EPM2A: variants seen among roughly 807,000 people sequenced by gnomAD.
EPM2A encodes laforin.
A neutral mutation model predicts 26.5 loss-of-function variants in EPM2A; 21 were observed. The observed-to-expected ratio is 0.79, with a 90% CI of 0.56 to 1.14. The LOEUF is 1.14. Among genes scored for constraint, EPM2A ranks in the 50% most tolerant of loss-of-function variants. EPM2A has a pLI of 0.00. For missense variants in EPM2A, 458 were observed against 440.8 expected, an observed-to-expected ratio of 1.04 and a Z score of -0.35; for synonymous variants, 217 against 177.6, an observed-to-expected ratio of 1.22 and a Z score of -1.76.
intron 2 of EPM2A, among the ~76,000 whole-genome samples, chr6:145,515,497 C>A (rs958803043): frequency 4.6e-5 from 7 of 152,074 alleles, no homozygotes; most frequent in African/African-American, 7.2e-5. Flanking sequence ...GCTGAAAGAC[C>A]CTGTGTCTGG....
chr6:145,551,384 T>C (rs181857937), intron 2 of EPM2A, among the ~76,000 whole-genome samples: 17 of 152,120 alleles, frequency 1.1e-4, no homozygotes, highest in Admixed American at 1.1e-3. Flanking sequence ...TCTGATGTAA[T>C]AGTGGCTTAG....
At chr6:145,735,090 G>A in intron 1 of EPM2A, 108 bp downstream of exon 1, 4 of 718,508 alleles carry the variant, frequency 5.6e-6, no homozygotes, top group Non-Finnish European at 8.0e-6. Context: ...AAAAGCCCGG[G>A]ACGCGCGCCG....
At chr6:145,569,805 C>G (rs1486033354) in intron 2 of EPM2A, among the ~76,000 whole-genome samples, 1 of 151,806 alleles carries the variant, frequency 6.6e-6, no homozygotes, top group East Asian at 1.9e-4. Flanking sequence ...GGTACTTTGC[C>G]TAGTGTATTA....
intron 4 of EPM2A, among the ~76,000 whole-genome samples, chr6:145,408,004 T>A (rs1273855746): frequency 1.3e-5 from 2 of 152,180 alleles, no homozygotes. Context: ...CAATTTTTCA[T>A]AATTAAAAAC....
chr6:145,386,285 C>T (rs138706457), intron 4 of EPM2A, among the ~76,000 whole-genome samples: 5 of 152,100 alleles, frequency 3.3e-5, no homozygotes, highest in Non-Finnish European at 7.4e-5. Flanking sequence ...TACAGTGGTG[C>T]CTGCTATACT....
At chr6:145,396,046 A>T (rs1856267) in intron 4 of EPM2A, among the ~76,000 whole-genome samples, 57,029 of 152,024 alleles carry the variant, frequency 0.38, 10,951 homozygotes, top group South Asian at 0.45. Context: ...TAGAGCCAAA[A>T]AGGATTTCAC....
At chr6:145,426,592 A>G (rs905528022) in intron 4 of EPM2A, among the ~76,000 whole-genome samples, 2 of 152,208 alleles carry the variant, frequency 1.3e-5, no homozygotes, top group East Asian at 3.8e-4. Context: ...GAAGAGAAAT[A>G]TACATACCTG....
intron 2 of EPM2A, among the ~76,000 whole-genome samples, chr6:145,533,701 T>C (rs1780393358): frequency 6.6e-6 from 1 of 152,118 alleles, no homozygotes; most frequent in South Asian, 2.1e-4. Flanking sequence ...AGTTCAAATG[T>C]CTCCTCCTCA....
intron 1 of EPM2A, among the ~76,000 whole-genome samples, chr6:145,703,404 A>T (rs532423790): frequency 1.3e-5 from 2 of 151,746 alleles, no homozygotes; most frequent in Admixed American, 6.6e-5. Flanking sequence ...GATATTCTTT[A>T]AAAAAAAACT....
At chr6:145,406,712 G>T (rs1778573971) in intron 4 of EPM2A, among the ~76,000 whole-genome samples, 1 of 152,136 alleles carries the variant, frequency 6.6e-6, no homozygotes, top group Non-Finnish European at 1.5e-5. Context: ...AATTATTTTT[G>T]ACTGGTGTTA....
intron 1 of EPM2A, among the ~76,000 whole-genome samples, chr6:145,701,957 T>C (rs1201712624): frequency 6.6e-6 from 1 of 152,170 alleles, no homozygotes; most frequent in Non-Finnish European, 1.5e-5. Flanking sequence ...ATTTGTCTAG[T>C]TCTTGATTGT....
intron 2 of EPM2A, among the ~76,000 whole-genome samples, chr6:145,571,945 C>T (rs920799041): frequency 2.0e-5 from 3 of 152,186 alleles, no homozygotes; most frequent in Non-Finnish European, 4.4e-5. Flanking sequence ...CAGTTTTGTA[C>T]CACTCAGAGA....
intron 2 of EPM2A, among the ~76,000 whole-genome samples, chr6:145,530,062 C>T (rs2069940100): frequency 6.6e-6 from 1 of 152,168 alleles, no homozygotes; most frequent in African/African-American, 2.4e-5. Flanking sequence ...AATTCTCTGA[C>T]TTCACTTACT....
chr6:145,463,614 A>G (rs1189517775), intron 4 of EPM2A, among the ~76,000 whole-genome samples: 1 of 152,120 alleles, frequency 6.6e-6, no homozygotes, highest in Non-Finnish European at 1.5e-5. Context: ...CATGACTGGT[A>G]TATATATAAA....
At chr6:145,724,511 TA>T (rs1776097239) in intron 1 of EPM2A, among the ~76,000 whole-genome samples, 1 of 152,058 alleles carries the variant, frequency 6.6e-6, no homozygotes, top group Non-Finnish European at 1.5e-5. Context: ...CAACTGAATC[TA>T]AAAAGTATTT....
chr6:145,713,045 T>C (rs1048102674), intron 1 of EPM2A, among the ~76,000 whole-genome samples: 2 of 152,326 alleles, frequency 1.3e-5, no homozygotes, highest in African/African-American at 4.8e-5. Context: ...CATTGAGAAA[T>C]AAAGTTTGTG....
chr6:145,572,297 G>A lies in EPM2A; in HGVS notation c.340+62948C>T, dbSNP rs562743356. Among the ~76,000 whole-genome samples, 4 of 152,276 alleles carry A rather than the reference G, an allele frequency of 2.6e-5. No homozygotes were observed. In the South Asian group the frequency reaches 6.2e-4, roughly 24 times the overall value. ...TCTTCTTCTGTCAAATGATCATAAGGAACTCCCCATAAGGCCATTGGTGCA... is the reference window on the plus strand; with the variant it reads ...TCTTCTTCTGTCAAATGATCATAAGAAACTCCCCATAAGGCCATTGGTGCA... On this transcript the variant is annotated intron_variant, in intron 2 of 3. Coordinates refer to the EPM2A transcript ENST00000450221.
intron 2 of EPM2A, among the ~76,000 whole-genome samples, chr6:145,598,308 ATTTCCCTAATGATCAGTGACG>A (rs1477490870): frequency 6.6e-6 from 1 of 151,908 alleles, no homozygotes; most frequent in Non-Finnish European, 1.5e-5. Context: ...TTTGATATAC[ATTTCCCTAATGATCAGTGACG>A]TTGAGCTTTA....
chr6:145,693,054 ATTT>A (rs1419235758), intron 1 of EPM2A, among the ~76,000 whole-genome samples: 4 of 151,708 alleles, frequency 2.6e-5, no homozygotes, highest in Non-Finnish European at 5.9e-5. Context: ...AGCATAGAAT[ATTT>A]TTCTATGTGT....
Sources: gnomAD v4.1 joint callset for allele counts (sites outside exome capture counted in the v4.1 genomes callset) on GRCh38, gnomAD v4.1.1 for gene constraint, MANE v1.5 for transcripts, NCBI Gene and HGNC (gene_info 2026-07-23, HGNC 2026-07-21) for gene names.